The following PCDH11X variants were observed in gnomAD, a reference collection of about 807,000 sequenced individuals.
PCDH11X encodes protocadherin-11 X-linked.
Under a neutral mutation model 53.3 loss-of-function variants are expected in PCDH11X, and 18 were observed. The ratio of observed to expected loss-of-function variants is 0.34; its 90% CI spans 0.23 to 0.50. The LOEUF (loss-of-function observed/expected upper bound fraction) is 0.50. Among genes scored for constraint, PCDH11X ranks in the 20% least tolerant of loss-of-function variants. The pLI, the probability that PCDH11X is intolerant of heterozygous loss-of-function variation, is 0.98. For synonymous variants in PCDH11X, 279 were observed against 393.3 expected (o/e 0.71, Z 3.44); for missense variants, 570 against 1,032.4 (o/e 0.55, Z 6.14).
chrX:92,421,633 G>A (rs1430154560), intron 9 of PCDH11X, among the ~76,000 whole-genome samples: 1 of 111,814 alleles, frequency 8.9e-6, no homozygotes, highest in African/African-American at 3.3e-5. Flanking sequence ...ACCCAATGAT[G>A]AGACTGCTGG....
intron 7 of PCDH11X, among the ~76,000 whole-genome samples, chrX:92,237,907 C>A (rs1035451509): frequency 1.8e-5 from 2 of 111,811 alleles, no homozygotes; most frequent in African/African-American, 6.5e-5. Context: ...AGCCTCAGGG[C>A]AGTCAGGAAT....
rs1203354587 is a variant in PCDH11X, at chrX:91,878,274, C to G, written c.2034C>G (p.Ser678=). The change falls in exon 6 of 11, where the codon TCC becomes TCG. Residue 678 remains serine, a synonymous_variant. Transcript: ENST00000682573. ...DNKPVFIVPP[S]NCSYELVLPS... ...AACCAGTTTTCATTGTCCCTCCTTC[C>G]AACTGTTCTTATGAATTGGTTCTAC... The G allele has an allele frequency of 1.7e-6, 2 of 1,209,057 alleles. No homozygotes were observed. Among genetic ancestry groups the G allele is most frequent in the African/African-American group, 3.5e-5 (2 of 56,883 alleles).
rs769540315 is a variant in PCDH11X at position 92,094,088 on chromosome X, A to G, written c.3034-107287A>G. 5.5e-5 allele frequency among the ~76,000 whole-genome samples: 6 copies of G among 109,048 alleles called. No homozygotes were observed. The East Asian group carries it at 1.7e-3, about 31-fold the overall frequency. 94.7% of individuals were successfully genotyped at this position (109,048 alleles called of 115,157 possible). ...AAGCTTCATTCCTTTTTACCTATTT[A>G]TATTTTGCTATTTAAAAATATCCAG... is the stretch of plus-strand genomic sequence containing the variant. On this transcript the variant is annotated intron_variant, in intron 6 of 10. Coordinates refer to ENST00000682573, the MANE Select transcript of PCDH11X (RefSeq NM_032968.5).
At chrX:92,018,736 G>A (rs1225305316) in intron 6 of PCDH11X, among the ~76,000 whole-genome samples, 5 of 112,406 alleles carry the variant, frequency 4.4e-5, no homozygotes, top group Non-Finnish European at 7.5e-5. Flanking sequence ...AGCCATGTAC[G>A]TGTTTGCATG....
At chrX:92,432,680 T>A (rs2072276199) in intron 9 of PCDH11X, among the ~76,000 whole-genome samples, 1 of 108,721 alleles carries the variant, frequency 9.2e-6, no homozygotes, top group African/African-American at 3.3e-5. Context: ...AGATATTTAT[T>A]TGTTCACATA....
chrX:91,976,761 A>G (rs1265524310), intron 6 of PCDH11X, among the ~76,000 whole-genome samples: 2 of 111,453 alleles, frequency 1.8e-5, no homozygotes, highest in Admixed American at 9.6e-5. Context: ...ATACATGTAA[A>G]TTGCAGCCAT....
intron 6 of PCDH11X, among the ~76,000 whole-genome samples, chrX:91,978,600 C>T (rs1243518602): frequency 3.6e-5 from 4 of 110,112 alleles, no homozygotes; most frequent in Non-Finnish European, 7.6e-5. Context: ...AAAGAGGAAT[C>T]TCCCTATTTC....
intron 6 of PCDH11X, among the ~76,000 whole-genome samples, chrX:91,924,914 T>C (rs1173428827): frequency 9.0e-6 from 1 of 110,602 alleles, no homozygotes; most frequent in Non-Finnish European, 1.9e-5. Context: ...CTAAGAAATA[T>C]ATTAGTATCC....
chrX:92,215,203 G>A (rs1302949882), intron 7 of PCDH11X, among the ~76,000 whole-genome samples: 1 of 110,519 alleles, frequency 9.0e-6, no homozygotes, highest in Non-Finnish European at 1.9e-5. Context: ...AGTGGGCGCA[G>A]GACAGTGGTT....
rs778921880 is a variant in PCDH11X, at chrX:92,173,839, G to T, written c.3034-27536G>T. ...TCTCTACAAAAAAATACAAAAATTA[G>T]TGAGGCATGGTGGTGCACACCTGTA... On this transcript the variant is annotated intron_variant, in intron 6 of 10. Coordinates refer to ENST00000682573, the MANE Select transcript of PCDH11X (RefSeq NM_032968.5). 3.8e-5 allele frequency among the ~76,000 whole-genome samples: 4 copies of T among 105,661 alleles called. No individual in the cohort carries two copies. In the East Asian group the frequency reaches 1.2e-3, roughly 31 times the overall value. 91.8% of individuals were successfully genotyped at this position (105,661 alleles called of 115,157 possible). A position where few individuals can be genotyped will look rare whatever the true frequency, so the allele number is the denominator to read the frequency against.
At chrX:92,368,592 T>G (rs927067128) in intron 8 of PCDH11X, among the ~76,000 whole-genome samples, 22 of 111,852 alleles carry the variant, frequency 2.0e-4, no homozygotes, top group African/African-American at 7.2e-4. Context: ...TATTTGGAAT[T>G]TTCAGCGTTT....
chrX:92,132,675 GTATATATATATGTATATA>G (rs1171725437), intron 6 of PCDH11X, among the ~76,000 whole-genome samples: 10 of 49,485 alleles, frequency 2.0e-4, no homozygotes, highest in Non-Finnish European at 2.9e-4. Context: ...ATATGTATAT[GTATATATATATGTATATA>G]TATATATATA....
At chrX:91,823,896 C>T (rs1936800954) in intron 4 of PCDH11X, among the ~76,000 whole-genome samples, 1 of 110,488 alleles carries the variant, frequency 9.1e-6, no homozygotes, top group Non-Finnish European at 1.9e-5. Context: ...TCAGCATTTG[C>T]TTGTCTGTAA....
chrX:92,237,036 GA>G (rs67995261), intron 7 of PCDH11X, among the ~76,000 whole-genome samples: 5,895 of 110,401 alleles, frequency 0.053, 210 homozygotes, highest in East Asian at 0.23. Context: ...AATTGTTGAA[GA>G]AAAAAAGACA....
intron 6 of PCDH11X, among the ~76,000 whole-genome samples, chrX:92,182,609 C>T (rs2066016088): frequency 9.0e-6 from 1 of 111,463 alleles, no homozygotes; most frequent in African/African-American, 3.3e-5. Flanking sequence ...GGGGGCAAGT[C>T]TTTCCCATGT....
At chrX:92,489,653 T>C (rs1185206581) in intron 10 of PCDH11X, among the ~76,000 whole-genome samples, 2 of 107,939 alleles carry the variant, frequency 1.9e-5, no homozygotes, top group African/African-American at 6.7e-5. Context: ...TCTTCTGTTC[T>C]TACTATCAAA....
In PCDH11X at chrX:92,251,697, T is replaced by C. The variant is rs142037915; in HGVS notation, c.3115-11417T>C. 2.6e-3 allele frequency among the ~76,000 whole-genome samples: 290 copies of C among 111,260 alleles called. 1 individual carries two copies. Among genetic ancestry groups the C allele is most frequent in the African/African-American group, 8.1e-3 (250 of 30,705 alleles). ...ACTTAAATGCCTAATAATCTATAAA[T>C]ACAAGGTGATGATGGCAATGGCAGT... On this transcript the variant is annotated intron_variant, in intron 7 of 10. Transcript: ENST00000682573.
chrX:92,321,920 G>A (rs2069224189), intron 8 of PCDH11X, among the ~76,000 whole-genome samples: 2 of 104,301 alleles, frequency 1.9e-5, no homozygotes, highest in Admixed American at 2.1e-4. Flanking sequence ...TTCTTGTTTT[G>A]ATTTTTGACT....
chrX:92,176,883 C>A (rs143489872), intron 6 of PCDH11X, among the ~76,000 whole-genome samples: 1 of 110,538 alleles, frequency 9.0e-6, no homozygotes. Flanking sequence ...ACACTTTTTG[C>A]GGGTGTTGGG....
Sources: gnomAD v4.1 joint callset for allele counts (sites outside exome capture counted in the v4.1 genomes callset) on GRCh38, gnomAD v4.1.1 for gene constraint, MANE v1.5 for transcripts, NCBI Gene and HGNC (gene_info 2026-07-23, HGNC 2026-07-21) for gene names.